ZNF430: variants seen among roughly 807,000 people sequenced by gnomAD.
ZNF430 encodes zinc finger protein 430.
A neutral mutation model predicts 56.7 loss-of-function variants in ZNF430; 35 were observed. That is an observed-to-expected ratio of 0.62 (90% CI 0.47 to 0.82). The LOEUF is 0.82. Ranked by LOEUF, ZNF430 falls within the 40% of genes least tolerant of loss-of-function variation. The probability of loss-of-function intolerance (pLI) is 0.00; values close to 1 mark genes in which losing one functional copy is unlikely to be tolerated. For missense variants in ZNF430, 574 were observed against 661.0 expected, an observed-to-expected ratio of 0.87 and a Z score of 1.44; for synonymous variants, 212 against 224.3, an observed-to-expected ratio of 0.94 and a Z score of 0.49.
intron 4 of ZNF430, among the ~76,000 whole-genome samples, chr19:21,049,841 AT>A (rs1968253700): frequency 6.6e-6 from 1 of 151,650 alleles, no homozygotes; most frequent in Non-Finnish European, 1.5e-5. Context: ...ATTGGTTAGA[AT>A]TTTTTATTAC....
chr19:21,048,277 G>A (rs1420446784), intron 4 of ZNF430, among the ~76,000 whole-genome samples: 1 of 139,888 alleles, frequency 7.1e-6, no homozygotes, highest in Non-Finnish European at 1.5e-5. Context: ...GGGAAGGTAA[G>A]CAGATAAACA....
intron 4 of ZNF430, among the ~76,000 whole-genome samples, chr19:21,045,471 A>G (rs925333927): frequency 2.6e-5 from 4 of 152,162 alleles, no homozygotes; most frequent in Non-Finnish European, 4.4e-5. Context: ...GCATTTGCTA[A>G]GGAGTATTCC....
At chr19:21,030,341 T>G (rs1967877727) in intron 2 of ZNF430, among the ~76,000 whole-genome samples, 1 of 152,236 alleles carries the variant, frequency 6.6e-6, no homozygotes, top group Non-Finnish European at 1.5e-5. Flanking sequence ...GAACCCTTTA[T>G]CTAAGTCCTG....
At chr19:21,030,694 C>T (rs1967885701) in intron 2 of ZNF430, among the ~76,000 whole-genome samples, 1 of 150,404 alleles carries the variant, frequency 6.6e-6, no homozygotes, top group African/African-American at 2.4e-5. Flanking sequence ...GCTAATGAGC[C>T]CAGGGGGAAC....
At chr19:21,026,046 A>AT in intron 2 of ZNF430, 1 of 335,042 alleles carries the variant, frequency 3.0e-6, no homozygotes, top group Non-Finnish European at 5.7e-6. Context: ...CCTGGATCTA[A>AT]TTTTTGTATT....
Position 21,021,823 on chromosome 19 carries a change from A to ATTTTTTTTTTTTTTTTTTTTTTTTT in ZNF430, c.4-960_4-936dup, listed in dbSNP as rs71174785. 8.2e-5 allele frequency among the ~76,000 whole-genome samples: 7 copies of ATTTTTTTTTTTTTTTTTTTTTTTTT among 85,726 alleles called. 1 individual carries two copies. Among genetic ancestry groups the ATTTTTTTTTTTTTTTTTTTTTTTTT allele is most frequent in the African/African-American group, 3.7e-4 (7 of 18,800 alleles). 56.2% of individuals were successfully genotyped at this position (85,726 alleles called of 152,430 possible). A position where few individuals can be genotyped will look rare whatever the true frequency, so the allele number is the denominator to read the frequency against. On this transcript the variant is annotated intron_variant, in intron 1 of 4. Transcript: ENST00000261560. ...TTTCAAAACGATGCGCCTGAGTTAG[A>ATTTTTTTTTTTTTTTTTTTTTTTTT]TTTTTTTTTTTTTTTTTTTTTTTTT...
intron 2 of ZNF430, among the ~76,000 whole-genome samples, chr19:21,031,773 A>T (rs7247413): frequency 3.9e-5 from 6 of 152,160 alleles, no homozygotes; most frequent in East Asian, 1.9e-4. Context: ...GTGTCTCAGA[A>T]GAAGAGCTGT....
At chr19:21,050,191 A>ATTC (rs5827492) in intron 4 of ZNF430, among the ~76,000 whole-genome samples, 123,012 of 151,820 alleles carry the variant, frequency 0.81, 52,102 homozygotes, top group Middle Eastern at 0.93. Flanking sequence ...GCCCCCCTAT[A>ATTC]TTCTTCTAAG....
chr19:21,025,734 C>T (rs1299699362), intron 2 of ZNF430, among the ~76,000 whole-genome samples: 3 of 150,604 alleles, frequency 2.0e-5, no homozygotes, highest in African/African-American at 7.3e-5. Flanking sequence ...TTACAGGCGC[C>T]TACCACCATG....
chr19:21,049,689 C>CAACATTTCTTGTTACGTTTCGTGT (rs1968249536), intron 4 of ZNF430: 1 of 133,116 alleles, frequency 7.5e-6, no homozygotes, highest in Admixed American at 7.5e-5. Context: ...ACATTTCGTG[C>CAACATTTCTTGTTACGTTTCGTGT]AACATTTCTT....
intron 4 of ZNF430, chr19:21,053,520 A>G (rs1167785337): frequency 6.6e-6 from 1 of 151,972 alleles, no homozygotes; most frequent in Non-Finnish European, 1.5e-5. Flanking sequence ...CAGCCTCCCG[A>G]GTAGCTGGGA....
chr19:21,057,877 C>A lies in ZNF430; in HGVS notation c.1569C>A (p.Ser523Arg), dbSNP rs139798103. The A allele has an allele frequency of 2.0e-4, 330 of 1,613,514 alleles. 2 individuals are homozygous for A. The Middle Eastern group carries it at 2.3e-3, about 11-fold the overall frequency. ...YKYLECDKAF[S>R]QSSTLTKHKV... is the part of the protein sequence containing the mutation. ...ACCTAGAATGTGATAAAGCCTTTAG[C>A]CAGTCTTCAACTCTTACTAAACATA... The change falls in exon 5 of 5, where the codon AGC (serine) becomes AGA (arginine). Residue 523 changes from serine (S) to arginine (R), a missense_variant. By Grantham distance (110) the Ser-to-Arg change is moderately radical (BLOSUM62 -1). This residue lies in a region of ZNF430 where 213 missense variants were observed against 221.0 expected (regional missense o/e 0.96). Coordinates refer to ENST00000261560, the MANE Select transcript of ZNF430 (RefSeq NM_025189.4).
chr19:21,044,681 G>A (rs1013898614), intron 4 of ZNF430, among the ~76,000 whole-genome samples: 17 of 152,116 alleles, frequency 1.1e-4, no homozygotes, highest in African/African-American at 4.1e-4. Context: ...TTGTACCTCT[G>A]GTAGAATTCA....
At chr19:21,047,762 A>G (rs890412644) in intron 4 of ZNF430, among the ~76,000 whole-genome samples, 4 of 152,204 alleles carry the variant, frequency 2.6e-5, no homozygotes, top group African/African-American at 7.2e-5. Context: ...CAGTGGGAAC[A>G]CTACTTTATA....
intron 4 of ZNF430, 55 bp from the exon 5 acceptor site, chr19:21,056,576 G>A: frequency 3.9e-6 from 5 of 1,277,742 alleles, no homozygotes; most frequent in Non-Finnish European, 5.3e-6. Flanking sequence ...GATTTGTAAA[G>A]CATATTCATC....
At chr19:21,037,237 C>T (rs575097121) in intron 4 of ZNF430, among the ~76,000 whole-genome samples, 1 of 152,030 alleles carries the variant, frequency 6.6e-6, no homozygotes, top group Non-Finnish European at 1.5e-5. Flanking sequence ...GCCTCAGCCT[C>T]CCGAGTAGCT....
intron 4 of ZNF430, among the ~76,000 whole-genome samples, chr19:21,052,637 G>A (rs1294706474): frequency 6.6e-6 from 1 of 152,136 alleles, no homozygotes; most frequent in Non-Finnish European, 1.5e-5. Context: ...GACTTAAGAT[G>A]TAGCTTGTGT....
At chr19:21,027,263 T>G (rs552604376) in intron 2 of ZNF430, among the ~76,000 whole-genome samples, 1 of 152,310 alleles carries the variant, frequency 6.6e-6, no homozygotes, top group East Asian at 1.9e-4. Flanking sequence ...TTGTGTCCAT[T>G]CAGTGTGTTG....
chr19:21,053,175 A>T (rs28736867), intron 4 of ZNF430, among the ~76,000 whole-genome samples: 186 of 151,850 alleles, frequency 1.2e-3, no homozygotes, highest in African/African-American at 4.3e-3. Context: ...ACTAACCTAA[A>T]TTTTTTGGTG....
Sources: allele counts gnomAD v4.1 joint callset (sites outside exome capture counted in the v4.1 genomes callset), GRCh38; gene constraint gnomAD v4.1.1; regional missense constraint gnomAD v4.1.1; transcripts MANE v1.5; gene names NCBI Gene and HGNC (gene_info 2026-07-23, HGNC 2026-07-21).